DMD: variants seen among roughly 807,000 people sequenced by gnomAD.
DMD encodes dystrophin.
A neutral mutation model predicts 330.1 loss-of-function variants in DMD; 63 were observed. The observed-to-expected ratio is 0.19, with a 90% CI of 0.16 to 0.24. The LOEUF is 0.24. Ranked by LOEUF, DMD falls within the 10% of genes least tolerant of loss-of-function variation. The pLI is 1.00. For missense variants in DMD, 3,344 were observed against 2,684.1 expected (o/e 1.25, Z -5.43); for synonymous variants, 1,223 against 959.8 (o/e 1.27, Z -5.07).
At chrX:31,153,025 ATCTC>A (rs1285879738) in intron 74 of DMD, among the ~76,000 whole-genome samples, 2 of 111,645 alleles carry the variant, frequency 1.8e-5, no homozygotes, top group African/African-American at 6.5e-5. Flanking sequence ...TAAACTCATT[ATCTC>A]TCTCTCAGGT....
At chrX:32,871,367 G>A (rs1308178580) in intron 2 of DMD, among the ~76,000 whole-genome samples, 5 of 110,562 alleles carry the variant, frequency 4.5e-5, no homozygotes, top group African/African-American at 1.3e-4. Flanking sequence ...TCCTTCCCCC[G>A]CCCTCCCCAT....
At chrX:31,931,981 A>C in intron 46 of DMD, 99 bp downstream of exon 46, 1 of 1,005,096 alleles carries the variant, frequency 9.9e-7, no homozygotes, top group Admixed American at 2.3e-5. Flanking sequence ...GGAACTATGA[A>C]TAACCTAATG....
chrX:31,896,367 C>G (rs762828546), intron 47 of DMD, among the ~76,000 whole-genome samples: 2 of 111,714 alleles, frequency 1.8e-5, no homozygotes, highest in Admixed American at 1.9e-4. Flanking sequence ...AAAGAGGATG[C>G]ATCCAGAAAG....
intron 1 of DMD, among the ~76,000 whole-genome samples, chrX:33,295,352 G>C (rs1003852405): frequency 9.1e-6 from 1 of 110,444 alleles, no homozygotes; most frequent in African/African-American, 3.3e-5. Context: ...ACTGGATGTG[G>C]TTGAAGTATT....
intron 55 of DMD, among the ~76,000 whole-genome samples, chrX:31,551,048 C>T (rs368673150): frequency 1.8e-5 from 2 of 110,250 alleles, no homozygotes; most frequent in Non-Finnish European, 3.8e-5. Flanking sequence ...GGTGTGGTGG[C>T]GCATGCCTGT....
chrX:32,862,624 T>A (rs908432247), intron 2 of DMD, among the ~76,000 whole-genome samples: 15 of 112,229 alleles, frequency 1.3e-4, no homozygotes, highest in Non-Finnish European at 2.6e-4. Flanking sequence ...TCTTATATTT[T>A]TATGTATTAA....
At chrX:33,030,785 T>TA (rs981121170) in intron 1 of DMD, among the ~76,000 whole-genome samples, 10 of 111,451 alleles carry the variant, frequency 9.0e-5, no homozygotes, top group African/African-American at 3.3e-4. Flanking sequence ...CCTGAAAATT[T>TA]AAAAAAATAC....
At chrX:32,572,901 T>C (rs2052589146) in intron 15 of DMD, among the ~76,000 whole-genome samples, 1 of 110,870 alleles carries the variant, frequency 9.0e-6, no homozygotes, top group South Asian at 3.8e-4. Flanking sequence ...AATCTGGTTG[T>C]TTAAAAGAGT....
intron 55 of DMD, among the ~76,000 whole-genome samples, chrX:31,615,330 C>A (rs1010933666): frequency 5.4e-5 from 6 of 111,723 alleles, no homozygotes; most frequent in Admixed American, 1.9e-4. Context: ...GCCACTGCCC[C>A]ATGGTATGCA....
intron 9 of DMD, among the ~76,000 whole-genome samples, chrX:32,670,755 T>C (rs1359031022): frequency 8.9e-6 from 1 of 112,365 alleles, no homozygotes; most frequent in African/African-American, 3.2e-5. Context: ...TTAGTAAAGA[T>C]TCATCAGTGC....
intron 21 of DMD, among the ~76,000 whole-genome samples, chrX:32,474,190 C>A (rs2040959006): frequency 2.3e-5 from 1 of 43,092 alleles, no homozygotes; most frequent in Non-Finnish European, 5.2e-5. Context: ...AGTATTCCAT[C>A]ATATATACAT....
chrX:32,914,332 A>G (rs1286478565), intron 2 of DMD, among the ~76,000 whole-genome samples: 1 of 112,140 alleles, frequency 8.9e-6, no homozygotes, highest in Non-Finnish European at 1.9e-5. Flanking sequence ...AAATAAAAAA[A>G]GCTGTCAGCT....
rs5972428 is a variant in DMD, at chrX:31,669,101, T to C, written c.7872+10274A>G. Among the ~76,000 whole-genome samples the C allele has an allele frequency of 8.1e-3, 911 of 112,135 alleles. 3 individuals carry two copies. The highest frequency in any genetic ancestry group is 0.014 in the Non-Finnish European group (745 of 53,089). On this transcript the variant is annotated intron_variant, in intron 53 of 78. Coordinates refer to ENST00000357033, the MANE Select transcript of DMD (RefSeq NM_004006.3). The stretch of plus-strand genomic sequence containing the variant: ...GAAGATATCTCTTTGACATACTGGT[T>C]TAAATTCTTTTGGATATATACCCGG...
At chrX:32,923,542 C>G (rs1313509741) in intron 2 of DMD, among the ~76,000 whole-genome samples, 2 of 109,448 alleles carry the variant, frequency 1.8e-5, no homozygotes, top group Admixed American at 2.0e-4. Context: ...GCCTGGGCAA[C>G]AGAAGTGAGA....
rs138334747 is a variant in DMD at position 32,797,787 on chromosome X, A to T, written c.649+11706T>A. On this transcript the variant is annotated intron_variant, in intron 7 of 78. Coordinates refer to ENST00000357033, the MANE Select transcript of DMD (RefSeq NM_004006.3). ...CTTAATGTCACTGTATAGGCCAAGG[A>T]TATTGTTATTTCACCTGTAATTAAA... Among the ~76,000 whole-genome samples the T allele has an allele frequency of 1.5e-3, 165 of 110,663 alleles. 1 individual carries two copies. The East Asian group carries it at 0.04, about 27-fold the overall frequency.
At chrX:32,785,819 T>C (rs922373555) in intron 7 of DMD, among the ~76,000 whole-genome samples, 2 of 111,794 alleles carry the variant, frequency 1.8e-5, no homozygotes, top group Non-Finnish European at 3.8e-5. Context: ...ATGTCTCATT[T>C]TTATATCGTT....
At chrX:32,642,385 G>A (rs1185884299) in intron 11 of DMD, among the ~76,000 whole-genome samples, 2 of 112,027 alleles carry the variant, frequency 1.8e-5, no homozygotes, top group Non-Finnish European at 1.9e-5. Context: ...TCTAAAAGCT[G>A]TAACACGTAC....
At chrX:32,094,449 C>T (rs1025442878) in intron 44 of DMD, among the ~76,000 whole-genome samples, 4 of 111,637 alleles carry the variant, frequency 3.6e-5, no homozygotes, top group Non-Finnish European at 7.5e-5. Flanking sequence ...ATATTCATGG[C>T]AAATATGTAA....
At chrX:31,126,848 A>C (rs2033778248) in intron 77 of DMD, 175 bp from the exon 78 acceptor site, 2 of 452,646 alleles carry the variant, frequency 4.4e-6, no homozygotes, top group Admixed American at 4.0e-5. Context: ...CCCAAAAGAC[A>C]CATCTAGTCA....
Sources: allele counts gnomAD v4.1 joint callset (sites outside exome capture counted in the v4.1 genomes callset), GRCh38; gene constraint gnomAD v4.1.1; transcripts MANE v1.5; gene names NCBI Gene and HGNC (gene_info 2026-07-23, HGNC 2026-07-21).